Variants in PHLDB3 observed in about 807,000 individuals in gnomAD.
The protein encoded by PHLDB3 is pleckstrin homology-like domain family B member 3.
In PHLDB3, 86 loss-of-function variants were observed where a neutral mutation model predicts 85.7. That is an observed-to-expected ratio of 1.00 (90% CI 0.84 to 1.20). The LOEUF (loss-of-function observed/expected upper bound fraction) is 1.20. PHLDB3 is among the 50% of genes most tolerant of loss of function. PHLDB3 has a pLI of 0.00. For synonymous variants in PHLDB3, 376 were observed against 349.8 expected, an observed-to-expected ratio of 1.07 and a Z score of -0.83; for missense variants, 995 against 873.0, an observed-to-expected ratio of 1.14 and a Z score of -1.76.
chr19:43,476,025 G>C (rs1970920265), intron 15 of PHLDB3, among the ~76,000 whole-genome samples: 1 of 152,184 alleles, frequency 6.6e-6, no homozygotes, highest in Non-Finnish European at 1.5e-5. Flanking sequence ...TCGATCTCTT[G>C]ACCTCGTGAT....
chr19:43,502,331 A>G (rs1394274927), intron 2 of PHLDB3, 48 bp from the exon 3 acceptor site: 3 of 1,509,716 alleles, frequency 2.0e-6, no homozygotes, highest in African/African-American at 1.4e-5. Context: ...CGCCCCCTGC[A>G]ATCACTAAGT....
rs899239482 is a variant in PHLDB3, at chr19:43,490,891, C to T, written c.1150-3768G>A. ...TAGGCAAGTCATTTCTCTTCTCAAG[C>T]GAGGTGTCCTCTCTGTAAAGTGGGT... is the stretch of plus-strand genomic sequence containing the variant. On this transcript the variant is annotated intron_variant, in intron 9 of 15. Transcript: ENST00000292140. Among the ~76,000 whole-genome samples, 7 of 152,312 alleles carry T rather than the reference C, an allele frequency of 4.6e-5. No homozygotes were observed. The East Asian group carries it at 5.8e-4, about 13-fold the overall frequency.
In PHLDB3 at chr19:43,501,750, C is replaced by T. The variant is rs1489046472; in HGVS notation, c.518G>A (p.Arg173His). 3.8e-6 allele frequency: 6 copies of T among 1,583,628 alleles called. No homozygotes were observed. The highest frequency in any genetic ancestry group is 4.6e-5 in the East Asian group (2 of 43,402). ...EQQAASEQRG[R>H]QQREQEQRRL... ...CAAACAGACCTGTTCCCGCTGCTGG[C>T]GGCCGCGCTGCTCCGAGGCCGCCTG... is the stretch of plus-strand genomic sequence containing the variant. The change falls in exon 4 of 16, where the codon CGC becomes CAC. Residue 173 changes from arginine (R) to histidine (H), a missense_variant. Physicochemically the swap from Arg to His is conservative, Grantham distance 29. Transcript: ENST00000292140.
rs975826132 is a variant in PHLDB3, at chr19:43,502,359, A to T, written c.214-76T>A. On this transcript the variant is annotated intron_variant, in intron 2 of 15. Transcript: ENST00000292140. ...CACTAAGTAGGTCTGGTCCCCACCC[A>T]ACATCACCCTCTGCGGGTCTCAGTC... 13 of 1,400,052 alleles carry T rather than the reference A, an allele frequency of 9.3e-6. No homozygotes were observed. The African/African-American group carries it at 1.7e-4, about 18-fold the overall frequency. The allele number at this position is 1,400,052 out of a possible 1,614,324, so 86.7% of individuals were successfully genotyped here.
At chr19:43,485,940 CAGG>C in intron 13 of PHLDB3, 1 of 978,694 alleles carries the variant, frequency 1.0e-6, no homozygotes. Flanking sequence ...GAGGCTGAGG[CAGG>C]AGGATTGCTT....
intron 9 of PHLDB3, 122 bp from the exon 10 acceptor site, chr19:43,487,245 G>C: frequency 1.3e-6 from 1 of 773,330 alleles, no homozygotes; most frequent in Non-Finnish European, 2.2e-6. Flanking sequence ...TCCATGTGCT[G>C]AGTGAAAGGA....
chr19:43,491,049 G>A (rs1186137176), intron 9 of PHLDB3, among the ~76,000 whole-genome samples: 1 of 152,232 alleles, frequency 6.6e-6, no homozygotes, highest in African/African-American at 2.4e-5. Context: ...GGTACAGGGT[G>A]CACCTGGGCT....
At chr19:43,499,320 A>G (rs1222130935) in intron 4 of PHLDB3, among the ~76,000 whole-genome samples, 2 of 152,076 alleles carry the variant, frequency 1.3e-5, no homozygotes, top group Non-Finnish European at 2.9e-5. Flanking sequence ...TGCTGAGGTC[A>G]GCCAGACTCC....
chr19:43,491,668 AT>A (rs34859142), intron 9 of PHLDB3, among the ~76,000 whole-genome samples: 212 of 138,986 alleles, frequency 1.5e-3, no homozygotes, highest in African/African-American at 2.1e-3. Context: ...CACCCAGCTA[AT>A]TTTTTTTTTT....
chr19:43,487,230 T>A, intron 9 of PHLDB3, 107 bp from the exon 10 acceptor site: 1 of 878,328 alleles, frequency 1.1e-6, no homozygotes, highest in Non-Finnish European at 1.8e-6. Flanking sequence ...ATCAAAACAC[T>A]ACTGTCCATG....
chr19:43,486,997 G>A, intron 10 of PHLDB3, 27 bp downstream of exon 10: 5 of 1,513,720 alleles, frequency 3.3e-6, no homozygotes, highest in Non-Finnish European at 4.4e-6. Flanking sequence ...GATGTGGGAA[G>A]GAAGTGGGGA....
intron 9 of PHLDB3, among the ~76,000 whole-genome samples, chr19:43,494,333 GCCC>G (rs1159425554): frequency 6.7e-6 from 1 of 149,322 alleles, no homozygotes; most frequent in Admixed American, 6.7e-5. Context: ...TAAATGAGCT[GCCC>G]CCCCACCACC....
At position 43,475,350 on chromosome 19, in the gene PHLDB3, CCCCCGCG is replaced by C; in HGVS notation, c.*53_*59del. On this transcript the variant is annotated 3_prime_UTR_variant, in exon 16 of 16. Coordinates refer to ENST00000292140, the MANE Select transcript of PHLDB3 (RefSeq NM_198850.4). ...CGGCAGTGGGCGGGGCCTAGGAACG[CCCCCGCG>C]CCCCGCGCCGGCGGAGCCTCGAAGG... The C allele has an allele frequency of 6.3e-7, 1 of 1,591,360 alleles. No individual in the cohort carries two copies.
rs1205072048 is a variant in PHLDB3, at chr19:43,487,086, C to T, written c.1187G>A (p.Arg396Gln). The change falls in exon 10 of 16, where the codon CGG becomes CAG. Residue 396 changes from arginine to glutamine, a missense_variant. Coordinates refer to ENST00000292140, the MANE Select transcript of PHLDB3 (RefSeq NM_198850.4). The part of the protein sequence containing the change: ...IGLQRTGSLP[R>Q]KRGERGSQRG... ...CTGGCTCCCCCTCTCCCCCCTTTTC[C>T]GGGGCAGGCTCCCAGTCCTCTGGAG... is the stretch of plus-strand genomic sequence containing the variant. 6.4e-6 allele frequency: 10 copies of T among 1,573,912 alleles called. No individual in the cohort carries two copies. The highest frequency in any genetic ancestry group is 2.7e-5 in the African/African-American group (2 of 74,006).
chr19:43,483,481 G>C (rs1182587293), intron 13 of PHLDB3, among the ~76,000 whole-genome samples: 1 of 152,056 alleles, frequency 6.6e-6, no homozygotes, highest in East Asian at 1.9e-4. Context: ...GTCTGACTAT[G>C]TTGCCCAGGC....
chr19:43,475,361 C>G lies in PHLDB3; in HGVS notation c.*49G>C, dbSNP rs957247678. ...GGGGCCTAGGAACGCCCCCGCGCCC[C>G]GCGCCGGCGGAGCCTCGAAGGGACT... On this transcript the variant is annotated 3_prime_UTR_variant, in exon 16 of 16. Transcript: ENST00000292140. The G allele has an allele frequency of 3.8e-6, 6 of 1,589,574 alleles. No homozygotes were observed. The highest frequency in any genetic ancestry group is 1.7e-5 in the Admixed American group (1 of 57,690).
chr19:43,502,013 G>A (rs1971615083), intron 3 of PHLDB3, 88 bp downstream of exon 3: 2 of 1,504,330 alleles, frequency 1.3e-6, no homozygotes, highest in Non-Finnish European at 1.8e-6. Context: ...CCTAAAATCT[G>A]ATCCCACCCG....
At chr19:43,484,528 C>G (rs958898932) in intron 13 of PHLDB3, among the ~76,000 whole-genome samples, 2 of 151,462 alleles carry the variant, frequency 1.3e-5, no homozygotes, top group African/African-American at 4.8e-5. Flanking sequence ...GACAGCATGG[C>G]AAAACCCCAT....
At chr19:43,481,720 G>A (rs552860009) in intron 13 of PHLDB3, among the ~76,000 whole-genome samples, 5 of 151,048 alleles carry the variant, frequency 3.3e-5, no homozygotes, top group African/African-American at 9.7e-5. Flanking sequence ...CTTGAGCCCA[G>A]GAGGTGGGGG....
Sources: allele counts gnomAD v4.1 joint callset (sites outside exome capture counted in the v4.1 genomes callset), GRCh38; gene constraint gnomAD v4.1.1; transcripts MANE v1.5; gene names NCBI Gene and HGNC (gene_info 2026-07-23, HGNC 2026-07-21).